Variants in DNTTIP1 observed in about 807,000 individuals in gnomAD.
The protein encoded by DNTTIP1 is deoxynucleotidyltransferase terminal-interacting protein 1.
A neutral mutation model predicts 52.9 loss-of-function variants in DNTTIP1; 22 were observed. The observed-to-expected ratio is 0.42, with a 90% CI of 0.30 to 0.59. The LOEUF is 0.59. DNTTIP1 is among the 20% of genes least tolerant of loss of function. DNTTIP1 has a pLI of 0.22. For missense variants in DNTTIP1, 286 were observed against 435.5 expected, an observed-to-expected ratio of 0.66 and a Z score of 3.06; for synonymous variants, 136 against 155.1, an observed-to-expected ratio of 0.88 and a Z score of 0.92.
intron 4 of DNTTIP1, chr20:45,796,413 GAC>G (rs1568706076): frequency 4.4e-6 from 2 of 456,008 alleles, no homozygotes; most frequent in Admixed American, 5.0e-5. Context: ...AATGGCTTAA[GAC>G]ACATAATAAT....
At chr20:45,805,432 CAG>C in intron 10 of DNTTIP1, 66 bp downstream of exon 10, 1 of 1,541,742 alleles carries the variant, frequency 6.5e-7, no homozygotes, top group Non-Finnish European at 8.8e-7. Context: ...CCACTCAGCA[CAG>C]AGAAGCTTAG....
intron 10 of DNTTIP1, among the ~76,000 whole-genome samples, chr20:45,806,482 C>T (rs1177757643): frequency 2.0e-5 from 3 of 152,180 alleles, no homozygotes; most frequent in African/African-American, 4.8e-5. Context: ...AAATCATAAA[C>T]TCACTCACCC....
intron 3 of DNTTIP1, 63 bp downstream of exon 3, chr20:45,794,080 T>C: frequency 2.0e-6 from 2 of 991,256 alleles, no homozygotes; most frequent in East Asian, 5.4e-5. Context: ...AGTCCTTGCC[T>C]GCATCACCAG....
chr20:45,793,789 G>A (rs778306025), intron 2 of DNTTIP1, 132 bp from the exon 3 acceptor site: 5 of 489,840 alleles, frequency 1.0e-5, no homozygotes, highest in South Asian at 4.2e-5. Context: ...CACAAAATCT[G>A]AGCATGTAGC....
chr20:45,803,366 G>A lies in DNTTIP1; in HGVS notation c.591G>A (p.Arg197=). 6.2e-7 allele frequency: 1 copy of A among 1,614,134 alleles called. No homozygotes were observed. The highest frequency in any genetic ancestry group is 8.5e-7 in the Non-Finnish European group (1 of 1,180,010). ...CAAAATCCTGTGAACCAATTCGCCG[G>A]GAAGGCCCCAAGGTATGATTATGTG... The part of the protein sequence containing the change: ...WKPKSCEPIR[R]EGPKWDPARL... The change falls in exon 8 of 13, where the codon CGG becomes CGA. Residue 197 remains arginine, a synonymous_variant. Transcript: ENST00000372622.
chr20:45,799,069 T>G (rs1981337550), intron 4 of DNTTIP1, among the ~76,000 whole-genome samples: 1 of 152,204 alleles, frequency 6.6e-6, no homozygotes, highest in Admixed American at 6.5e-5. Context: ...TTAGCAGCTT[T>G]GAGCCATCCA....
intron 4 of DNTTIP1, among the ~76,000 whole-genome samples, chr20:45,798,586 T>G (rs1411843980): frequency 6.6e-6 from 1 of 152,212 alleles, no homozygotes; most frequent in Non-Finnish European, 1.5e-5. Flanking sequence ...TTGACTATAC[T>G]CTGGCTGTTC....
chr20:45,795,510 G>C, intron 4 of DNTTIP1, 67 bp downstream of exon 4: 1 of 1,030,010 alleles, frequency 9.7e-7, no homozygotes, highest in South Asian at 1.4e-5. Context: ...TAAGAAATGC[G>C]ATCTTAAGCC....
intron 4 of DNTTIP1, among the ~76,000 whole-genome samples, chr20:45,797,451 G>C (rs897377938): frequency 1.4e-4 from 22 of 151,932 alleles, no homozygotes; most frequent in Admixed American, 1.3e-3. Flanking sequence ...ACACCAAAAG[G>C]AATGGCAACA....
chr20:45,793,656 C>A (rs538605302), intron 2 of DNTTIP1, among the ~76,000 whole-genome samples: 47 of 151,996 alleles, frequency 3.1e-4, no homozygotes, highest in African/African-American at 1.1e-3. Context: ...GCCAAAACCA[C>A]GCCACTGCAC....
chr20:45,805,230 T>C, intron 9 of DNTTIP1, 26 bp downstream of exon 9: 1 of 1,614,118 alleles, frequency 6.2e-7, no homozygotes, highest in Non-Finnish European at 8.5e-7. Flanking sequence ...TTGGCACTGA[T>C]TGAGGAAACA....
At chr20:45,794,274 T>C (rs530050566) in intron 3 of DNTTIP1, among the ~76,000 whole-genome samples, 1 of 152,222 alleles carries the variant, frequency 6.6e-6, no homozygotes, top group African/African-American at 2.4e-5. Context: ...TCAGCCTCCC[T>C]AGTGGCTGGG....
At chr20:45,800,589 G>T (rs1175814374) in intron 4 of DNTTIP1, among the ~76,000 whole-genome samples, 1 of 147,316 alleles carries the variant, frequency 6.8e-6, no homozygotes, top group Non-Finnish European at 1.5e-5. Flanking sequence ...CAGGAGAATC[G>T]CTTGAACCCA....
At chr20:45,803,523 C>A in intron 8 of DNTTIP1, 145 bp downstream of exon 8, 1 of 827,534 alleles carries the variant, frequency 1.2e-6, no homozygotes, top group Non-Finnish European at 1.9e-6. Flanking sequence ...CCTCCAGCCA[C>A]ACTGGCCTCA....
chr20:45,796,390 A>C, intron 4 of DNTTIP1: 1 of 365,292 alleles, frequency 2.7e-6, no homozygotes, highest in African/African-American at 2.2e-5. Context: ...AGCAAAGCAA[A>C]AAAAAAAAAA....
intron 3 of DNTTIP1, among the ~76,000 whole-genome samples, chr20:45,794,225 C>T (rs1023124156): frequency 1.1e-4 from 17 of 152,106 alleles, no homozygotes; most frequent in East Asian, 1.9e-4. Context: ...ATCGATTCAC[C>T]GCAACCTCCA....
chr20:45,796,588 A>G (rs997478051), intron 4 of DNTTIP1: 7 of 470,466 alleles, frequency 1.5e-5, no homozygotes, highest in South Asian at 1.1e-4. Flanking sequence ...CCAAGATAGT[A>G]GAGAACCTGT....
intron 1 of DNTTIP1, chr20:45,792,431 G>A (rs1002862816): frequency 8.2e-6 from 4 of 486,986 alleles, no homozygotes; most frequent in African/African-American, 2.0e-5. Flanking sequence ...GTTGACCCTC[G>A]GTAAATACTG....
intron 7 of DNTTIP1, 54 bp downstream of exon 7, chr20:45,802,111 G>A (rs1040721544): frequency 1.9e-6 from 3 of 1,583,726 alleles, no homozygotes; most frequent in African/African-American, 1.3e-5. Context: ...CGGAGAGAGG[G>A]GCCCTGAAGG....
Sources: allele counts gnomAD v4.1 joint callset (sites outside exome capture counted in the v4.1 genomes callset), GRCh38; gene constraint gnomAD v4.1.1; transcripts MANE v1.5; gene names NCBI Gene and HGNC (gene_info 2026-07-23, HGNC 2026-07-21).